SYDE2: variants seen among roughly 807,000 people sequenced by gnomAD.
SYDE2 encodes the protein synapse defective Rho GTPase homolog 2.
In SYDE2, 76 loss-of-function variants were observed where a neutral mutation model predicts 91.5. That is an observed-to-expected ratio of 0.83 (90% CI 0.69 to 1.01). The LOEUF (loss-of-function observed/expected upper bound fraction) is 1.01. Ranked by LOEUF, SYDE2 falls within the 50% of genes least tolerant of loss-of-function variation. SYDE2 has a pLI of 0.00. For missense variants in SYDE2, 1,364 were observed against 1,367.7 expected (o/e 1.00, Z 0.04); for synonymous variants, 513 against 506.4 (o/e 1.01, Z -0.18).
Position 85,190,620 on chromosome 1 carries a change from T to C in SYDE2, c.878A>G (p.Gln293Arg), listed in dbSNP as rs1325963104. Residue 293 changes from glutamine (Q) to arginine (R), a missense_variant, in exon 2 of 7, where the codon CAG becomes CGG. Transcript: ENST00000341460. ...CAGATTAAGAGGCCTCAGAGTACTC[T>C]GATATAGCCAATTGCGTTTCTTTGA... The part of the protein sequence containing the change: ...TVSKKRNWLY[Q>R]STLRPLNLEE... 6 of 1,613,966 alleles carry C rather than the reference T, an allele frequency of 3.7e-6. No individual in the cohort carries two copies. Among genetic ancestry groups the C allele is most frequent in the Middle Eastern group, 3.3e-4 (2 of 6,062 alleles).
intron 4 of SYDE2, among the ~76,000 whole-genome samples, chr1:85,176,404 T>C (rs1320389208): frequency 6.6e-6 from 1 of 152,170 alleles, no homozygotes; most frequent in Non-Finnish European, 1.5e-5. Flanking sequence ...GTTTTGATTA[T>C]CCAAGAGTTA....
At chr1:85,165,331 G>A (rs138444285) in intron 5 of SYDE2, among the ~76,000 whole-genome samples, 395 of 152,222 alleles carry the variant, frequency 2.6e-3, no homozygotes, top group Non-Finnish European at 3.8e-3. Flanking sequence ...ATTTCAGCTG[G>A]AATCCCTGGG....
chr1:85,180,115 T>G (rs1657855815), intron 3 of SYDE2, among the ~76,000 whole-genome samples: 1 of 152,160 alleles, frequency 6.6e-6, no homozygotes, highest in South Asian at 2.1e-4. Context: ...TTTTCCCGTT[T>G]TAAGCAGGAG....
chr1:85,160,762 G>A (rs1290638619), intron 6 of SYDE2: 1 of 985,150 alleles, frequency 1.0e-6, no homozygotes, highest in East Asian at 1.1e-4. Flanking sequence ...GAGGTTATCT[G>A]GTCTGATCTA....
At position 85,168,362 on chromosome 1, in the gene SYDE2, C is replaced by T. The variant is rs191613513; in HGVS notation, c.2853+682G>A. 1.8e-4 allele frequency among the ~76,000 whole-genome samples: 28 copies of T among 152,234 alleles called. No homozygotes were observed. The East Asian group carries it at 5.2e-3, about 28-fold the overall frequency. On this transcript the variant is annotated intron_variant, in intron 5 of 6. Transcript: ENST00000341460. Reference sequence around the variant, plus strand: ...ACCCACTAATTCTTGCTCTTTCTGCCCCAACATGATAAAAAATGTAGGCAA... The same window carrying T: ...ACCCACTAATTCTTGCTCTTTCTGCTCCAACATGATAAAAAATGTAGGCAA...
At chr1:85,154,783 T>G (rs1656838987), downstream of SYDE2, among the ~76,000 whole-genome samples, 1 of 151,918 alleles carries the variant, frequency 6.6e-6, no homozygotes, top group East Asian at 1.9e-4. Context: ...ACTGCAAAAC[T>G]GGATGCTTGA....
chr1:85,191,538 T>C (rs1402061558), intron 1 of SYDE2, among the ~76,000 whole-genome samples: 1 of 152,070 alleles, frequency 6.6e-6, no homozygotes, highest in African/African-American at 2.4e-5. Context: ...GGCAGGAGGA[T>C]CACGAGGTCA....
chr1:85,178,399 T>C (rs1237759285), intron 3 of SYDE2, 127 bp from the exon 4 acceptor site: 4 of 815,296 alleles, frequency 4.9e-6, no homozygotes, highest in Non-Finnish European at 7.5e-6. Context: ...ACCTCAAATA[T>C]AGCTTTTGAA....
chr1:85,189,814 G>A (rs928098130), intron 2 of SYDE2, among the ~76,000 whole-genome samples: 42 of 152,294 alleles, frequency 2.8e-4, no homozygotes, highest in African/African-American at 9.9e-4. Context: ...TAGCCTGGGT[G>A]ACAGAGTGAG....
At chr1:85,179,678 A>ATG (rs1570252405) in intron 3 of SYDE2, among the ~76,000 whole-genome samples, 1 of 152,194 alleles carries the variant, frequency 6.6e-6, no homozygotes, top group East Asian at 1.9e-4. Flanking sequence ...CACAGTAGAA[A>ATG]TGTAGACAGT....
chr1:85,183,186 C>A lies in SYDE2; in HGVS notation c.1456G>T (p.Ala486Ser). The change falls in exon 3 of 7, where the codon GCT becomes TCT. Residue 486 changes from alanine (A) to serine (S), a missense_variant. By Grantham distance (99) the Ala-to-Ser change is moderately conservative. Transcript: ENST00000341460. ...KSPFAGSGIL[A>S]ATNSTELGIM... ...CCCAATTCAGTACTATTTGTAGCAG[C>A]CAGGATCCCAGAACCTTAAAAGAAA... The A allele has an allele frequency of 6.4e-7, 1 of 1,561,612 alleles. No homozygotes were observed. Among genetic ancestry groups the A allele is most frequent in the South Asian group, 1.2e-5 (1 of 81,622 alleles).
downstream of SYDE2, among the ~76,000 whole-genome samples, chr1:85,155,615 G>T (rs1311180804): frequency 6.6e-6 from 1 of 152,176 alleles, no homozygotes; most frequent in African/African-American, 2.4e-5. Context: ...GGCTATAAAA[G>T]AATCCATTTG....
chr1:85,160,545 T>A (rs1296917459), intron 6 of SYDE2: 31 of 978,612 alleles, frequency 3.2e-5, no homozygotes, highest in Non-Finnish European at 3.4e-5. Flanking sequence ...TATAGAATGG[T>A]CCATACCATC....
At chr1:85,162,385 C>T (rs1345258601) in intron 6 of SYDE2, among the ~76,000 whole-genome samples, 2 of 152,182 alleles carry the variant, frequency 1.3e-5, no homozygotes, top group South Asian at 2.1e-4. Flanking sequence ...CATCAACTTT[C>T]TCAGGCCAAG....
intron 2 of SYDE2, among the ~76,000 whole-genome samples, chr1:85,188,423 A>G (rs1658237333): frequency 1.3e-5 from 2 of 152,228 alleles, no homozygotes; most frequent in African/African-American, 4.8e-5. Flanking sequence ...GCCATCATAC[A>G]GTACACATTG....
chr1:85,181,975 A>G, intron 3 of SYDE2, 123 bp downstream of exon 3: 2 of 1,073,964 alleles, frequency 1.9e-6, no homozygotes, highest in Non-Finnish European at 2.6e-6. Flanking sequence ...GAATAAAAAT[A>G]AAGAATAGGA....
chr1:85,178,123 A>C, intron 4 of SYDE2, 23 bp downstream of exon 4: 4 of 1,530,070 alleles, frequency 2.6e-6, no homozygotes, highest in Non-Finnish European at 3.5e-6. Flanking sequence ...GAAAGAGTAC[A>C]TAAAATAAAA....
In SYDE2 at chr1:85,158,840, G is replaced by GT; in HGVS notation, c.3494dup (p.Asn1165LysfsTer11). 1 of 776,516 alleles carries GT rather than the reference G, an allele frequency of 1.3e-6. No homozygotes were observed. The highest frequency in any genetic ancestry group is 1.4e-5 in the South Asian group (1 of 73,104). The allele number at this position is 776,516 out of a possible 1,614,324, so 48.1% of individuals were successfully genotyped here. ...TACTTTCTTGTAGATCTTTGAGATT[G>GT]TTTTTTCGATCCACTGTAGACTCAA... On this transcript the variant is annotated frameshift_variant, in exon 7 of 7. Transcript: ENST00000341460. LOFTEE classifies it high-confidence loss of function.
intron 1 of SYDE2, 32 bp from the exon 2 acceptor site, chr1:85,190,784 T>A: frequency 6.6e-7 from 1 of 1,519,016 alleles, no homozygotes; most frequent in Non-Finnish European, 8.9e-7. Context: ...AGGTAGAATA[T>A]AATGGCTGGT....
Sources: allele counts gnomAD v4.1 joint callset (sites outside exome capture counted in the v4.1 genomes callset), GRCh38; gene constraint gnomAD v4.1.1; transcripts MANE v1.5; gene names NCBI Gene and HGNC (gene_info 2026-07-23, HGNC 2026-07-21).